Variants in SLC22A23 observed in about 807,000 individuals in gnomAD.
The protein encoded by SLC22A23 is ion transporter protein.
A neutral mutation model predicts 61.0 loss-of-function variants in SLC22A23; 26 were observed. The ratio of observed to expected loss-of-function variants is 0.43; its 90% CI spans 0.31 to 0.59. The LOEUF (loss-of-function observed/expected upper bound fraction) is 0.59, where lower values mean the gene tolerates loss of function less well. SLC22A23 is among the 20% of genes least tolerant of loss of function. The pLI, the probability that SLC22A23 is intolerant of heterozygous loss-of-function variation, is 0.11. For missense variants in SLC22A23, 796 were observed against 934.7 expected (o/e 0.85, Z 1.94); for synonymous variants, 430 against 413.9 (o/e 1.04, Z -0.47).
chr6:3,379,261 T>C (rs901960073), intron 3 of SLC22A23, among the ~76,000 whole-genome samples: 4 of 152,188 alleles, frequency 2.6e-5, no homozygotes, highest in Non-Finnish European at 5.9e-5. Flanking sequence ...CCAATAAACA[T>C]GCTCTTTCCT....
intron 1 of SLC22A23, among the ~76,000 whole-genome samples, chr6:3,449,102 G>T (rs542915972): frequency 2.0e-5 from 3 of 152,326 alleles, no homozygotes; most frequent in African/African-American, 7.2e-5. Context: ...GCAAGTCAAC[G>T]TCTGCATGAA....
At chr6:3,361,887 C>T (rs1269652872) in intron 3 of SLC22A23, among the ~76,000 whole-genome samples, 3 of 152,176 alleles carry the variant, frequency 2.0e-5, no homozygotes, top group Non-Finnish European at 4.4e-5. Flanking sequence ...ATGGTCCCTA[C>T]CCCGAGGGAT....
chr6:3,451,395 C>T (rs1168250417), intron 1 of SLC22A23, among the ~76,000 whole-genome samples: 1 of 152,196 alleles, frequency 6.6e-6, no homozygotes, highest in East Asian at 1.9e-4. Context: ...TGAGGGCTCA[C>T]CATGTTGGCC....
chr6:3,329,416 G>A lies in SLC22A23; in HGVS notation c.914-5414C>T, dbSNP rs556379745. ...AGTGCTCCTGGCTTCTCTGAAATGA[G>A]AGTACAGGATTTTTCTGGACTGGAG... is the stretch of plus-strand genomic sequence containing the variant. On this transcript the variant is annotated intron_variant, in intron 3 of 9. Transcript: ENST00000406686. The surrounding 1 kb of genome is among the most constrained non-coding windows in gnomAD (Gnocchi z 4.8). 2.6e-5 allele frequency among the ~76,000 whole-genome samples: 4 copies of A among 152,318 alleles called. No individual in the cohort carries two copies. In the South Asian group the frequency reaches 8.3e-4, roughly 32 times the overall value.
Position 3,382,346 on chromosome 6 carries a change from C to T in SLC22A23, c.913+27842G>A, listed in dbSNP as rs1028037781. 8.5e-5 allele frequency among the ~76,000 whole-genome samples: 13 copies of T among 152,342 alleles called. No homozygotes were observed. In the East Asian group the frequency reaches 1.3e-3, roughly 16 times the overall value. The stretch of plus-strand genomic sequence containing the variant: ...AGTATTTTTAGTTGTGGCTTTGTAA[C>T]GTAGTTTACAATGCATAACATACTG... On this transcript the variant is annotated intron_variant, in intron 3 of 9. Transcript: ENST00000406686.
At chr6:3,399,492 G>A (rs1040434425) in intron 3 of SLC22A23, among the ~76,000 whole-genome samples, 1 of 152,136 alleles carries the variant, frequency 6.6e-6, no homozygotes, top group Non-Finnish European at 1.5e-5. Context: ...ACTGCCATCC[G>A]CCCCTCCAGA....
intron 3 of SLC22A23, among the ~76,000 whole-genome samples, chr6:3,331,446 A>G (rs536550808): frequency 6.6e-6 from 1 of 152,242 alleles, no homozygotes; most frequent in African/African-American, 2.4e-5. Flanking sequence ...TATAGTCACC[A>G]TGGAAGAGAC....
rs770315967 is a variant in SLC22A23 at position 3,387,939 on chromosome 6, G to C, written c.913+22249C>G. On this transcript the variant is annotated intron_variant, in intron 3 of 9. Coordinates refer to ENST00000406686, the MANE Select transcript of SLC22A23 (RefSeq NM_015482.2). The surrounding 1 kb of genome is among the most constrained non-coding windows in gnomAD (Gnocchi z 5.0). The stretch of plus-strand genomic sequence containing the variant: ...GGCATCTCCTTTCGGTGGAATTCGT[G>C]CTGTTCCTGCTGCCTGAAAGAGAAG... Among the ~76,000 whole-genome samples, 30 of 152,202 alleles carry C rather than the reference G, an allele frequency of 2.0e-4. No individual in the cohort carries two copies. The highest frequency in any genetic ancestry group is 3.5e-4 in the Non-Finnish European group (24 of 68,044).
In SLC22A23 at chr6:3,427,310, G is replaced by A. The variant is rs1300790380; in HGVS notation, c.655-11455C>T. ...CTGTCAGTTAAGCAGGTCCTCGGGG[G>A]CTTATGTCTGTTGGTAAGTAACATT... On this transcript the variant is annotated intron_variant, in intron 1 of 9. Coordinates refer to ENST00000406686, the MANE Select transcript of SLC22A23 (RefSeq NM_015482.2). The surrounding 1 kb of genome is among the most constrained non-coding windows in gnomAD (Gnocchi z 4.3). Among the ~76,000 whole-genome samples, 3 of 152,112 alleles carry A rather than the reference G, an allele frequency of 2.0e-5. No individual in the cohort carries two copies. The highest frequency in any genetic ancestry group is 4.4e-5 in the Non-Finnish European group (3 of 68,030).
At chr6:3,369,445 C>T (rs1233723491) in intron 3 of SLC22A23, among the ~76,000 whole-genome samples, 1 of 152,122 alleles carries the variant, frequency 6.6e-6, no homozygotes, top group African/African-American at 2.4e-5. Flanking sequence ...AATCCCAGCA[C>T]TTCGGGAGGC....
rs1047857572 is a variant in SLC22A23 at position 3,330,726 on chromosome 6, C to T, written c.914-6724G>A. Reference sequence around the variant, plus strand: ...GCTTGCCATTACAGCTCTACATCTCCCCTTCCGCGTGGAAGGCGTCCTCTT... The same window carrying T: ...GCTTGCCATTACAGCTCTACATCTCTCCTTCCGCGTGGAAGGCGTCCTCTT... On this transcript the variant is annotated intron_variant, in intron 3 of 9. Transcript: ENST00000406686. The surrounding 1 kb of genome is among the most constrained non-coding windows in gnomAD (Gnocchi z 4.7). Among the ~76,000 whole-genome samples, 1 of 152,294 alleles carries T rather than the reference C, an allele frequency of 6.6e-6. No homozygotes were observed. The highest frequency in any genetic ancestry group is 3.4e-3 in the Middle Eastern group (1 of 292).
At chr6:3,455,436 G>A (rs1219387288) in intron 1 of SLC22A23, among the ~76,000 whole-genome samples, 2 of 152,226 alleles carry the variant, frequency 1.3e-5, no homozygotes, top group African/African-American at 4.8e-5. Flanking sequence ...GGGATTTGCA[G>A]GAGTCTTTGC....
chr6:3,404,504 TAG>T (rs1419544011), intron 3 of SLC22A23, among the ~76,000 whole-genome samples: 1 of 152,194 alleles, frequency 6.6e-6, no homozygotes, highest in African/African-American at 2.4e-5. Context: ...TAGGTAGAGA[TAG>T]AGAGAAAGGC....
At chr6:3,305,597 T>C (rs1218152193) in intron 4 of SLC22A23, among the ~76,000 whole-genome samples, 1 of 152,174 alleles carries the variant, frequency 6.6e-6, no homozygotes, top group Non-Finnish European at 1.5e-5. Flanking sequence ...AAATCTCTGC[T>C]GACAAGTACA....
chr6:3,450,556 CG>C (rs1772115135), intron 1 of SLC22A23, among the ~76,000 whole-genome samples: 1 of 152,222 alleles, frequency 6.6e-6, no homozygotes, highest in Non-Finnish European at 1.5e-5. Context: ...CCGCCCGCCT[CG>C]GCCTCCCAAA....
intron 3 of SLC22A23, among the ~76,000 whole-genome samples, chr6:3,341,981 T>C (rs1216427051): frequency 2.0e-5 from 3 of 152,164 alleles, no homozygotes; most frequent in African/African-American, 7.2e-5. Context: ...TTTCGATTCA[T>C]GGATAGAGGA....
chr6:3,323,111 T>A (rs1240092578), intron 4 of SLC22A23, among the ~76,000 whole-genome samples: 1 of 152,150 alleles, frequency 6.6e-6, no homozygotes, highest in Non-Finnish European at 1.5e-5. Context: ...GTGTTTAGTG[T>A]TCCCCCCGTA....
chr6:3,405,011 G>C (rs989337634), intron 3 of SLC22A23, among the ~76,000 whole-genome samples: 3 of 151,598 alleles, frequency 2.0e-5, no homozygotes, highest in African/African-American at 4.9e-5. Context: ...CTGTAATCCT[G>C]GCACTTTGGG....
At chr6:3,398,962 G>A (rs984346696) in intron 3 of SLC22A23, among the ~76,000 whole-genome samples, 1 of 152,236 alleles carries the variant, frequency 6.6e-6, no homozygotes, top group Non-Finnish European at 1.5e-5. Context: ...CCAGGAGGTC[G>A]AGACTTCGGT....
Sources: allele counts gnomAD v4.1 joint callset (sites outside exome capture counted in the v4.1 genomes callset), GRCh38; gene constraint gnomAD v4.1.1; non-coding constraint Gnocchi (gnomAD v3.1); transcripts MANE v1.5; gene names NCBI Gene and HGNC (gene_info 2026-07-23, HGNC 2026-07-21).